SMYD3: variants seen among roughly 807,000 people sequenced by gnomAD.
The protein encoded by SMYD3 is SET and MYND domain containing 3.
In SMYD3, 36 loss-of-function variants were observed where a neutral mutation model predicts 57.7. The ratio of observed to expected loss-of-function variants is 0.62; its 90% CI spans 0.48 to 0.82. SMYD3 has a LOEUF of 0.82. Ranked by LOEUF, SMYD3 falls within the 40% of genes least tolerant of loss-of-function variation. The pLI, the probability that SMYD3 is intolerant of heterozygous loss-of-function variation, is 0.00. For missense variants in SMYD3, 515 were observed against 538.8 expected, an observed-to-expected ratio of 0.96 and a Z score of 0.44; for synonymous variants, 211 against 195.0, an observed-to-expected ratio of 1.08 and a Z score of -0.68.
intron 5 of SMYD3, among the ~76,000 whole-genome samples, chr1:246,097,862 T>C (rs1316945515): frequency 6.6e-6 from 1 of 152,200 alleles, no homozygotes; most frequent in Non-Finnish European, 1.5e-5. Flanking sequence ...TGAGAATTTA[T>C]TTCCTTCCCA....
intron 5 of SMYD3, among the ~76,000 whole-genome samples, chr1:246,205,662 A>G (rs6685145): frequency 0.13 from 19,990 of 151,980 alleles, 3,467 homozygotes; most frequent in African/African-American, 0.39. Flanking sequence ...TCTACTAAAA[A>G]TACAAAAATT....
At chr1:245,993,571 A>C (rs78819682) in intron 5 of SMYD3, among the ~76,000 whole-genome samples, 1 of 25,934 alleles carries the variant, frequency 3.9e-5, no homozygotes, top group Non-Finnish European at 2.9e-4. Context: ...GTTGTCTCAA[A>C]AAAAAAAAAG....
At chr1:246,428,195 T>C (rs1253006920) in intron 1 of SMYD3, among the ~76,000 whole-genome samples, 5 of 152,184 alleles carry the variant, frequency 3.3e-5, no homozygotes, top group Non-Finnish European at 5.9e-5. Context: ...AATTGGTCTA[T>C]GCAATAGTAA....
intron 5 of SMYD3, among the ~76,000 whole-genome samples, chr1:246,125,447 AG>A: frequency 6.6e-6 from 1 of 152,332 alleles, no homozygotes; most frequent in East Asian, 1.9e-4. Flanking sequence ...TCTATGACAA[AG>A]AAACTTGAGA....
intron 10 of SMYD3, among the ~76,000 whole-genome samples, chr1:245,790,817 G>T (rs1358978415): frequency 6.6e-6 from 1 of 152,160 alleles, no homozygotes; most frequent in Non-Finnish European, 1.5e-5. Flanking sequence ...TCCAAGACTG[G>T]ATGACTCTGT....
chr1:245,873,582 C>T (rs1380978976), intron 8 of SMYD3, among the ~76,000 whole-genome samples: 1 of 152,224 alleles, frequency 6.6e-6, no homozygotes, highest in Non-Finnish European at 1.5e-5. Context: ...CTTTAATCGG[C>T]CACATCTCCA....
At chr1:246,386,002 C>A (rs2066472220) in intron 1 of SMYD3, among the ~76,000 whole-genome samples, 1 of 152,116 alleles carries the variant, frequency 6.6e-6, no homozygotes, top group Non-Finnish European at 1.5e-5. Context: ...CATTCTCCTG[C>A]CTCAGCCTCC....
chr1:246,323,977 T>C (rs762671360), intron 5 of SMYD3, among the ~76,000 whole-genome samples: 52 of 152,196 alleles, frequency 3.4e-4, no homozygotes, highest in Non-Finnish European at 5.9e-5. Context: ...AACCAGCTGA[T>C]AGAAACATGA....
rs1482052811 is a variant in SMYD3, at chr1:246,327,315, A to G, written c.417T>C (p.Asp139=). Residue 139 remains aspartate, a synonymous_variant, in exon 5 of 12, where the codon GAT becomes GAC. Transcript: ENST00000490107. ...LESNINKLTE[D]KKEGLRQLVM... Reference sequence around the variant, plus strand: ...CGAGTTGCCTGAGGCCCTCTTTCTTATCTTCAGTCAGTTTGTTAATATCTT... The same window carrying G: ...CGAGTTGCCTGAGGCCCTCTTTCTTGTCTTCAGTCAGTTTGTTAATATCTT... The G allele has an allele frequency of 6.2e-7, 1 of 1,612,722 alleles. No individual in the cohort carries two copies. Among genetic ancestry groups the G allele is most frequent in the African/African-American group, 1.3e-5 (1 of 74,810 alleles).
At chr1:245,940,837 G>C (rs150173201) in intron 5 of SMYD3, among the ~76,000 whole-genome samples, 1 of 152,334 alleles carries the variant, frequency 6.6e-6, no homozygotes, top group East Asian at 1.9e-4. Context: ...GACAAAAGTA[G>C]GCTTCAGAAG....
At chr1:245,775,725 A>T (rs540818500) in intron 10 of SMYD3, among the ~76,000 whole-genome samples, 94 of 121,492 alleles carry the variant, frequency 7.7e-4, no homozygotes, top group African/African-American at 3.3e-3. Context: ...TAAAAAAAAA[A>T]AAAAATAAAA....
intron 5 of SMYD3, among the ~76,000 whole-genome samples, chr1:246,140,236 T>A (rs1202307383): frequency 6.6e-6 from 1 of 152,172 alleles, no homozygotes. Context: ...ATCAGGACCT[T>A]TCGCTTCAAA....
At chr1:246,253,525 G>A (rs2063829070) in intron 5 of SMYD3, among the ~76,000 whole-genome samples, 2 of 152,196 alleles carry the variant, frequency 1.3e-5, no homozygotes, top group Admixed American at 6.5e-5. Context: ...ACTGTTGCTA[G>A]GCACCTAGGA....
At chr1:246,323,575 G>A (rs984567498) in intron 5 of SMYD3, among the ~76,000 whole-genome samples, 1 of 152,150 alleles carries the variant, frequency 6.6e-6, no homozygotes, top group African/African-American at 2.4e-5. Flanking sequence ...TATGCTCTCG[G>A]GATTAAGAAC....
chr1:246,128,389 GAA>G (rs1413293192), intron 5 of SMYD3, among the ~76,000 whole-genome samples: 1 of 152,188 alleles, frequency 6.6e-6, no homozygotes, highest in African/African-American at 2.4e-5. Context: ...CCAGCATGCT[GAA>G]AAGTGTCTGG....
intron 10 of SMYD3, among the ~76,000 whole-genome samples, chr1:245,805,992 T>C (rs553405175): frequency 1.3e-5 from 2 of 152,360 alleles, no homozygotes; most frequent in South Asian, 2.1e-4. Flanking sequence ...TACCCCATCA[T>C]CTGATCAATT....
At chr1:245,807,790 C>T (rs755901345) in intron 10 of SMYD3, among the ~76,000 whole-genome samples, 1 of 150,594 alleles carries the variant, frequency 6.6e-6, no homozygotes, top group Non-Finnish European at 1.5e-5. Flanking sequence ...CTCTCAAGAG[C>T]CCAGAGTTTG....
intron 1 of SMYD3, among the ~76,000 whole-genome samples, chr1:246,421,313 A>T (rs917496223): frequency 6.6e-6 from 1 of 152,218 alleles, no homozygotes; most frequent in African/African-American, 2.4e-5. Context: ...TTTAAAAAAA[A>T]AATAAAGTGC....
chr1:246,222,989 A>G (rs2063279516), intron 5 of SMYD3, among the ~76,000 whole-genome samples: 1 of 152,186 alleles, frequency 6.6e-6, no homozygotes, highest in South Asian at 2.1e-4. Context: ...GAAGTTAAAT[A>G]GTTTATTTCC....
Sources: allele counts gnomAD v4.1 joint callset (sites outside exome capture counted in the v4.1 genomes callset), GRCh38; gene constraint gnomAD v4.1.1; transcripts MANE v1.5; gene names NCBI Gene and HGNC (gene_info 2026-07-23, HGNC 2026-07-21).